The following SMCO4 variants were observed in gnomAD, a reference collection of about 807,000 sequenced individuals.
The protein encoded by SMCO4 is single-pass membrane and coiled-coil domain-containing protein 4.
SMCO4 carries 4 observed loss-of-function variants against 3.6 expected under a neutral mutation model. The observed-to-expected ratio is 1.11, with a 90% CI of 0.54 to 2.53. The LOEUF is 2.53. SMCO4 is among the 30% of genes most tolerant of loss of function. SMCO4 has a pLI of 0.02. For missense variants in SMCO4, 70 were observed against 80.8 expected, an observed-to-expected ratio of 0.87 and a Z score of 0.51; for synonymous variants, 36 against 35.3, an observed-to-expected ratio of 1.02 and a Z score of -0.07.
At chr11:93,542,025 A>C (rs1261783486) in intron 1 of SMCO4, among the ~76,000 whole-genome samples, 2 of 152,194 alleles carry the variant, frequency 1.3e-5, no homozygotes, top group African/African-American at 4.8e-5. Context: ...ATAAGGGCTC[A>C]AGAAGCCCAC....
At chr11:93,544,215 G>A (rs200433992), upstream of SMCO4, among the ~76,000 whole-genome samples, 29 of 152,268 alleles carry the variant, frequency 1.9e-4, no homozygotes, top group East Asian at 3.7e-3. Context: ...AGTTCTTTAC[G>A]CAGCCCCGAT....
At chr11:93,521,600 C>T (rs1180803794) in intron 1 of SMCO4, among the ~76,000 whole-genome samples, 1 of 152,228 alleles carries the variant, frequency 6.6e-6, no homozygotes, top group Non-Finnish European at 1.5e-5. Context: ...TTAACTATCA[C>T]ACTCGGTGTC....
At chr11:93,489,726 A>C (rs1250040338) in intron 2 of SMCO4, among the ~76,000 whole-genome samples, 1 of 152,228 alleles carries the variant, frequency 6.6e-6, no homozygotes, top group Non-Finnish European at 1.5e-5. Flanking sequence ...ACCGTTGTTC[A>C]AAGAGCTTAA....
intron 1 of SMCO4, among the ~76,000 whole-genome samples, chr11:93,499,740 AC>A (rs1269256116): frequency 6.6e-6 from 1 of 152,260 alleles, no homozygotes; most frequent in Non-Finnish European, 1.5e-5. Context: ...AATGAAGGAT[AC>A]AGGTTTGGGA....
At chr11:93,505,602 T>C (rs908438542) in intron 1 of SMCO4, among the ~76,000 whole-genome samples, 1 of 152,228 alleles carries the variant, frequency 6.6e-6, no homozygotes, top group African/African-American at 2.4e-5. Context: ...CACAAGTTAT[T>C]CAGCTTTGGA....
intron 1 of SMCO4, among the ~76,000 whole-genome samples, chr11:93,526,366 G>A (rs12575249): frequency 0.094 from 14,206 of 151,512 alleles, 919 homozygotes; most frequent in East Asian, 0.25. Flanking sequence ...TTCAACCACC[G>A]CAGTTACAGA....
intron 1 of SMCO4, among the ~76,000 whole-genome samples, chr11:93,502,902 G>A (rs1948856841): frequency 6.6e-6 from 1 of 152,178 alleles, no homozygotes; most frequent in African/African-American, 2.4e-5. Context: ...ACACAGGCCA[G>A]CCACTAACCT....
At chr11:93,549,007 G>A in the SMCO4 span, among the ~76,000 whole-genome samples, 14,075 of 152,290 alleles carry the variant, frequency 0.092, 716 homozygotes, top group African/African-American at 0.11. Flanking sequence ...TAGAGTTACA[G>A]AGTTATTTAC....
intron 2 of SMCO4, among the ~76,000 whole-genome samples, chr11:93,498,678 A>G (rs1408604181): frequency 2.0e-5 from 3 of 152,270 alleles, no homozygotes; most frequent in African/African-American, 7.2e-5. Context: ...ACACCTGGCG[A>G]AGATCAGGAA....
chr11:93,487,153 G>A (rs1948659802), intron 2 of SMCO4, among the ~76,000 whole-genome samples: 1 of 152,196 alleles, frequency 6.6e-6, no homozygotes, highest in Admixed American at 6.5e-5. Flanking sequence ...GGTTCATCAA[G>A]TGTGCTTGCT....
chr11:93,537,408 A>T (rs1182121009), intron 1 of SMCO4, among the ~76,000 whole-genome samples: 1 of 152,228 alleles, frequency 6.6e-6, no homozygotes, highest in African/African-American at 2.4e-5. Context: ...TGCCAACAAA[A>T]CAGGAACAAA....
rs537141674 is a variant in SMCO4, at chr11:93,524,029, C to T, written c.-154+19247G>A. ...TGCAGGGAAGATCAGTTACTAATGC[C>T]CTTCAGGGGAGGGGAGTTTCTCAGG... is the stretch of plus-strand genomic sequence containing the variant. On this transcript the variant is annotated intron_variant, in intron 1 of 2. Transcript: ENST00000298966. 5.3e-5 allele frequency among the ~76,000 whole-genome samples: 8 copies of T among 152,200 alleles called. No individual in the cohort carries two copies. In the South Asian group the frequency reaches 1.7e-3, roughly 32 times the overall value.
chr11:93,535,223 A>G (rs1393668816), intron 1 of SMCO4, among the ~76,000 whole-genome samples: 2 of 152,162 alleles, frequency 1.3e-5, no homozygotes, highest in African/African-American at 4.8e-5. Context: ...CATCCGGGAG[A>G]AACAGAGAAT....
chr11:93,540,648 A>G (rs1004766952), intron 1 of SMCO4, among the ~76,000 whole-genome samples: 35 of 152,356 alleles, frequency 2.3e-4, no homozygotes, highest in African/African-American at 7.0e-4. Flanking sequence ...CAGCTGTACC[A>G]GAGTCGTGCC....
At chr11:93,512,424 G>A (rs1243039738) in intron 1 of SMCO4, among the ~76,000 whole-genome samples, 1 of 152,154 alleles carries the variant, frequency 6.6e-6, no homozygotes, top group Non-Finnish European at 1.5e-5. Context: ...TGATGTCCCA[G>A]GCCTTCACAT....
intron 1 of SMCO4, among the ~76,000 whole-genome samples, chr11:93,516,506 T>A (rs1031898013): frequency 3.3e-5 from 5 of 152,096 alleles, no homozygotes; most frequent in Admixed American, 6.5e-5. Flanking sequence ...AAGAGAGAGA[T>A]CGTCTAGGCG....
At chr11:93,499,107 C>T (rs894050687) in intron 2 of SMCO4, among the ~76,000 whole-genome samples, 169 bp downstream of exon 2, 1 of 152,010 alleles carries the variant, frequency 6.6e-6, no homozygotes, top group Non-Finnish European at 1.5e-5. Context: ...GGAGATCCTC[C>T]ACAAAGGACA....
At chr11:93,507,843 T>C (rs1199030943) in intron 1 of SMCO4, among the ~76,000 whole-genome samples, 1 of 152,214 alleles carries the variant, frequency 6.6e-6, no homozygotes, top group Non-Finnish European at 1.5e-5. Flanking sequence ...CACAATATAC[T>C]GCAACAGAAT....
chr11:93,537,809 A>C (rs1288294156), intron 1 of SMCO4: 1 of 151,726 alleles, frequency 6.6e-6, no homozygotes, highest in African/African-American at 2.4e-5. Flanking sequence ...CATCAAGCAG[A>C]AAGTGGGTGA....
Sources: allele counts gnomAD v4.1 joint callset (sites outside exome capture counted in the v4.1 genomes callset), GRCh38; gene constraint gnomAD v4.1.1; transcripts MANE v1.5; gene names NCBI Gene and HGNC (gene_info 2026-07-23, HGNC 2026-07-21).